The following EIPR1 variants were observed in gnomAD, a reference collection of about 807,000 sequenced individuals.
EIPR1 encodes EARP and GARP complex-interacting protein 1.
EIPR1 carries 25 observed loss-of-function variants against 48.1 expected under a neutral mutation model. The ratio of observed to expected loss-of-function variants is 0.52; its 90% CI spans 0.38 to 0.73. The LOEUF (loss-of-function observed/expected upper bound fraction) is 0.73. Among genes scored for constraint, EIPR1 ranks in the 30% least tolerant of loss-of-function variants. The pLI is 0.00. For missense variants in EIPR1, 415 were observed against 506.2 expected (o/e 0.82, Z 1.73); for synonymous variants, 204 against 201.9 (o/e 1.01, Z -0.09).
chr2:3,307,694 AAAG>A lies in EIPR1; in HGVS notation c.259+30320_259+30322del, dbSNP rs201237001. Among the ~76,000 whole-genome samples the A allele has an allele frequency of 7.5e-3, 1,143 of 152,374 alleles. 17 individuals are homozygous for A. Among genetic ancestry groups the A allele is most frequent in the African/African-American group, 0.026 (1,065 of 41,590 alleles). Reference sequence around the variant, plus strand: ...GACTGCCCGTTACCAGAGGCTGGGAAAAGAAGTGAGGCAGGGATGAAGAGAAGC... The same window carrying A: ...GACTGCCCGTTACCAGAGGCTGGGAAAAGTGAGGCAGGGATGAAGAGAAGC... On this transcript the variant is annotated intron_variant, in intron 3 of 8. Coordinates refer to ENST00000382125, the MANE Select transcript of EIPR1 (RefSeq NM_003310.5).
chr2:3,352,766 G>A (rs1455155275), intron 2 of EIPR1, among the ~76,000 whole-genome samples: 1 of 152,242 alleles, frequency 6.6e-6, no homozygotes, highest in East Asian at 1.9e-4. Flanking sequence ...GGAGGCTGAG[G>A]CCAGCAGATA....
chr2:3,253,778 C>T (rs1158063198), intron 4 of EIPR1, among the ~76,000 whole-genome samples: 1 of 152,192 alleles, frequency 6.6e-6, no homozygotes, highest in Non-Finnish European at 1.5e-5. Context: ...CCTGTTCAGC[C>T]TCTGCTTGTT....
At chr2:3,365,811 A>C (rs1220648047) in intron 1 of EIPR1, among the ~76,000 whole-genome samples, 1 of 151,744 alleles carries the variant, frequency 6.6e-6, no homozygotes, top group Non-Finnish European at 1.5e-5. Context: ...GGGTAAGGTC[A>C]CAGATCAACA....
chr2:3,329,214 C>T (rs76957934), intron 3 of EIPR1, among the ~76,000 whole-genome samples: 8,090 of 115,004 alleles, frequency 0.07, 593 homozygotes, highest in East Asian at 0.32. Flanking sequence ...AATCAGAGCC[C>T]ACCCACCAGG....
chr2:3,269,698 C>G (rs1026546044), intron 3 of EIPR1, among the ~76,000 whole-genome samples: 26 of 139,630 alleles, frequency 1.9e-4, no homozygotes, highest in Non-Finnish European at 3.4e-4. Flanking sequence ...ACTCAATCAT[C>G]ACACTCAATC....
chr2:3,291,757 T>A (rs963063333), intron 3 of EIPR1, among the ~76,000 whole-genome samples: 1 of 152,262 alleles, frequency 6.6e-6, no homozygotes, highest in African/African-American at 2.4e-5. Flanking sequence ...TATCATGGTA[T>A]TGTTATCACT....
intron 3 of EIPR1, among the ~76,000 whole-genome samples, chr2:3,293,264 T>G (rs1328900447): frequency 6.6e-6 from 1 of 152,182 alleles, no homozygotes; most frequent in Non-Finnish European, 1.5e-5. Context: ...CCAGGACACC[T>G]TTCCTAGCAG....
chr2:3,292,991 G>C (rs920142493), intron 3 of EIPR1, among the ~76,000 whole-genome samples: 1 of 152,168 alleles, frequency 6.6e-6, no homozygotes, highest in Admixed American at 6.5e-5. Flanking sequence ...CTGCTACCCC[G>C]GTCCCATGAA....
chr2:3,367,186 G>T (rs979519033), intron 1 of EIPR1, among the ~76,000 whole-genome samples: 4 of 151,722 alleles, frequency 2.6e-5, no homozygotes, highest in Non-Finnish European at 4.4e-5. Context: ...AAATGCCTCT[G>T]CAAGGGTGCG....
rs780119936 is a variant in EIPR1, at chr2:3,377,691, C to G, written c.-2G>C. Reference sequence around the variant, plus strand: ...GATCACTGGTGCATCGTCCTCCATGCTGCGGGGAAGCGACCCGACCCCGGC... The same window carrying G: ...GATCACTGGTGCATCGTCCTCCATGGTGCGGGGAAGCGACCCGACCCCGGC... On this transcript the variant is annotated 5_prime_UTR_variant, in exon 1 of 9. Coordinates refer to ENST00000382125, the MANE Select transcript of EIPR1 (RefSeq NM_003310.5). The G allele has an allele frequency of 6.3e-7, 1 of 1,579,332 alleles. No homozygotes were observed. Among genetic ancestry groups the G allele is most frequent in the South Asian group, 1.2e-5 (1 of 86,376 alleles).
At chr2:3,337,659 G>A (rs1670107534) in intron 3 of EIPR1, among the ~76,000 whole-genome samples, 1 of 152,156 alleles carries the variant, frequency 6.6e-6, no homozygotes, top group South Asian at 2.1e-4. Flanking sequence ...AGCACTGGAA[G>A]ACAGTCACCA....
intron 4 of EIPR1, among the ~76,000 whole-genome samples, chr2:3,253,265 C>A (rs2103211683): frequency 6.6e-6 from 1 of 152,266 alleles, no homozygotes; most frequent in South Asian, 2.1e-4. Flanking sequence ...CGAGTTGTCC[C>A]CCCTTTCTGG....
At chr2:3,299,362 A>G (rs915433842) in intron 3 of EIPR1, among the ~76,000 whole-genome samples, 1 of 135,434 alleles carries the variant, frequency 7.4e-6, no homozygotes, top group Non-Finnish European at 1.7e-5. Context: ...GCCCTGGGTC[A>G]GCTCATTGTC....
At chr2:3,313,490 T>A (rs1241751215) in intron 3 of EIPR1, among the ~76,000 whole-genome samples, 1 of 152,054 alleles carries the variant, frequency 6.6e-6, no homozygotes, top group African/African-American at 2.4e-5. Flanking sequence ...GTCCTCCAGG[T>A]GAATGGGCAC....
chr2:3,353,374 T>C, intron 2 of EIPR1: 2 of 459,402 alleles, frequency 4.4e-6, no homozygotes, highest in South Asian at 3.2e-5. Context: ...ACGTTGATCA[T>C]ACTGTAAGCA....
At chr2:3,248,359 C>T (rs1666904253) in intron 4 of EIPR1, among the ~76,000 whole-genome samples, 1 of 152,164 alleles carries the variant, frequency 6.6e-6, no homozygotes, top group South Asian at 2.1e-4. Flanking sequence ...TTTGGGAGGC[C>T]AAGGCGGGTG....
At chr2:3,347,045 TC>T (rs1455063216) in intron 2 of EIPR1, among the ~76,000 whole-genome samples, 6 of 152,108 alleles carry the variant, frequency 3.9e-5, no homozygotes, top group Non-Finnish European at 4.4e-5. Flanking sequence ...CATGTGGCAC[TC>T]CCCCTCACTC....
intron 4 of EIPR1, among the ~76,000 whole-genome samples, chr2:3,237,285 G>T (rs1229400885): frequency 7.7e-6 from 1 of 130,386 alleles, no homozygotes; most frequent in African/African-American, 2.9e-5. Context: ...ACATATGGCA[G>T]TCCTGCCTTA....
In EIPR1 at chr2:3,353,064, T is replaced by A. The variant is rs185381918; in HGVS notation, c.126+1486A>T. ...GGTGTTCTGACAGACAGAGACCATATTCATATAACTTTCATAACTAATAAT... is the reference window on the plus strand; with the variant it reads ...GGTGTTCTGACAGACAGAGACCATAATCATATAACTTTCATAACTAATAAT... On this transcript the variant is annotated intron_variant, in intron 2 of 8. Coordinates refer to ENST00000382125, the MANE Select transcript of EIPR1 (RefSeq NM_003310.5). 1.7e-3 allele frequency: 633 copies of A among 369,382 alleles called. 6 individuals are homozygous for A. The highest frequency in any genetic ancestry group is 0.014 in the Middle Eastern group (31 of 2,264). 22.9% of individuals were successfully genotyped at this position (369,382 alleles called of 1,614,324 possible). A position where few individuals can be genotyped will look rare whatever the true frequency, so the allele number is the denominator to read the frequency against.
Sources: gnomAD v4.1 joint callset for allele counts (sites outside exome capture counted in the v4.1 genomes callset) on GRCh38, gnomAD v4.1.1 for gene constraint, MANE v1.5 for transcripts, NCBI Gene and HGNC (gene_info 2026-07-23, HGNC 2026-07-21) for gene names.